Variants in VWA3B observed in about 807,000 individuals in gnomAD.
VWA3B encodes von Willebrand factor A domain containing 3B.
A neutral mutation model predicts 158.3 loss-of-function variants in VWA3B; 138 were observed. That is an observed-to-expected ratio of 0.87 (90% confidence interval 0.76 to 1.00). The LOEUF (loss-of-function observed/expected upper bound fraction) is 1.00, where lower values mean the gene tolerates loss of function less well. Ranked by LOEUF, VWA3B falls within the 50% of genes least tolerant of loss-of-function variation. The pLI is 0.00. For missense variants in VWA3B, 1,555 were observed against 1,565.1 expected (o/e 0.99, Z 0.11); for synonymous variants, 596 against 587.3 (o/e 1.01, Z -0.21).
intron 13 of VWA3B, among the ~76,000 whole-genome samples, chr2:98,216,083 G>T (rs547174283): frequency 2.0e-5 from 3 of 152,320 alleles, no homozygotes; most frequent in Non-Finnish European, 4.4e-5. Flanking sequence ...CTTTGTGGAA[G>T]AATAGACACA....
chr2:98,160,422 C>T (rs552919177), intron 7 of VWA3B, among the ~76,000 whole-genome samples: 11 of 152,246 alleles, frequency 7.2e-5, no homozygotes, highest in East Asian at 5.8e-4. Context: ...TGCTTCATCA[C>T]GATCACTAGA....
chr2:98,101,478 T>C (rs1196908607), intron 2 of VWA3B, among the ~76,000 whole-genome samples: 2 of 152,222 alleles, frequency 1.3e-5, no homozygotes, highest in Admixed American at 1.3e-4. Context: ...TACTAGGACT[T>C]TACTCAGTAA....
intron 22 of VWA3B, 41 bp downstream of exon 22, chr2:98,270,924 C>A: frequency 6.3e-7 from 1 of 1,593,240 alleles, no homozygotes; most frequent in Non-Finnish European, 8.6e-7. Context: ...CCCTCTCTGC[C>A]TATCCCAAGT....
chr2:98,200,794 A>G (rs766445433), intron 12 of VWA3B, among the ~76,000 whole-genome samples: 18 of 152,192 alleles, frequency 1.2e-4, no homozygotes, highest in Non-Finnish European at 2.2e-4. Context: ...CCTCAAATGT[A>G]ATGGTTTTAC....
In VWA3B at chr2:98,182,280, A is replaced by T. The variant is rs576757407; in HGVS notation, c.1311+1068A>T. Among the ~76,000 whole-genome samples, 92 of 152,076 alleles carry T rather than the reference A, an allele frequency of 6.0e-4. 1 individual carries two copies. Among genetic ancestry groups the T allele is most frequent in the African/African-American group, 2.1e-3 (89 of 41,480 alleles). ...ATGTTGTAACTCCAGCAGAGGGGGAACTCCAGTCCTGTTGCCACTTGTTAT... is the reference window on the plus strand; with the variant it reads ...ATGTTGTAACTCCAGCAGAGGGGGATCTCCAGTCCTGTTGCCACTTGTTAT... On this transcript the variant is annotated intron_variant, in intron 9 of 27. Transcript: ENST00000477737.
intron 7 of VWA3B, among the ~76,000 whole-genome samples, chr2:98,134,382 G>A (rs1024708595): frequency 6.6e-5 from 10 of 152,168 alleles, no homozygotes; most frequent in African/African-American, 4.8e-5. Flanking sequence ...GGCGGAGGCC[G>A]CACAGGAACC....
intron 21 of VWA3B, among the ~76,000 whole-genome samples, chr2:98,262,336 G>T (rs1224054115): frequency 6.6e-6 from 1 of 151,790 alleles, no homozygotes; most frequent in Non-Finnish European, 1.5e-5. Context: ...CACTTTTGGT[G>T]TCATATCCAA....
At chr2:98,184,263 TGA>T (rs1411704107) in intron 9 of VWA3B, among the ~76,000 whole-genome samples, 1 of 152,232 alleles carries the variant, frequency 6.6e-6, no homozygotes, top group African/African-American at 2.4e-5. Flanking sequence ...GTGGTGAACA[TGA>T]GAGACAAGAC....
chr2:98,267,502 A>C (rs1390346470), intron 21 of VWA3B, among the ~76,000 whole-genome samples: 2 of 152,158 alleles, frequency 1.3e-5, no homozygotes, highest in Non-Finnish European at 2.9e-5. Flanking sequence ...GAGAACAAAG[A>C]CACAACATAC....
In VWA3B at chr2:98,218,147, A is replaced by C. The variant is rs563355927; in HGVS notation, c.2019+119A>C. 2.5e-4 allele frequency: 283 copies of C among 1,140,730 alleles called. 5 individuals carry two copies. In the South Asian group the frequency reaches 4.6e-3, roughly 18 times the overall value. The allele number at this position is 1,140,730 out of a possible 1,614,324, so 70.7% of individuals were successfully genotyped here. A position where few individuals can be genotyped will look rare whatever the true frequency, so the allele number is the denominator to read the frequency against. On this transcript the variant is annotated intron_variant, in intron 14 of 27. Transcript: ENST00000477737. ...ACCATAGAGATAACTAAGTCAAAAA[A>C]ATGAGTCGCTTAACAATGAGTGTAC...
intron 23 of VWA3B, among the ~76,000 whole-genome samples, chr2:98,293,150 G>T (rs528529803): frequency 1.3e-4 from 20 of 152,178 alleles, no homozygotes; most frequent in South Asian, 4.2e-4. Context: ...GAGGAGATGG[G>T]GCTAATACCA....
At chr2:98,208,140 T>C (rs1683171694) in intron 12 of VWA3B, among the ~76,000 whole-genome samples, 1 of 152,108 alleles carries the variant, frequency 6.6e-6, no homozygotes, top group Non-Finnish European at 1.5e-5. Flanking sequence ...AAATTTTCTT[T>C]GTGTTAAAGT....
chr2:98,214,098 G>C (rs1011473132), intron 13 of VWA3B, among the ~76,000 whole-genome samples: 1 of 152,010 alleles, frequency 6.6e-6, no homozygotes, highest in Non-Finnish European at 1.5e-5. Flanking sequence ...GGCTGAAGTA[G>C]GGGGATCATT....
chr2:98,299,739 ACT>A (rs1165486117), intron 24 of VWA3B, among the ~76,000 whole-genome samples: 1 of 152,156 alleles, frequency 6.6e-6, no homozygotes, highest in Non-Finnish European at 1.5e-5. Flanking sequence ...AGATGAGGAC[ACT>A]GTTTATCTTT....
At chr2:98,133,431 A>G (rs968456899) in intron 6 of VWA3B, among the ~76,000 whole-genome samples, 2 of 152,204 alleles carry the variant, frequency 1.3e-5, no homozygotes, top group African/African-American at 4.8e-5. Context: ...CTGAACCTAC[A>G]GAGCTGATGG....
At chr2:98,321,378 T>C in the VWA3B span, among the ~76,000 whole-genome samples, 4 of 152,138 alleles carry the variant, frequency 2.6e-5, no homozygotes, top group African/African-American at 9.7e-5. Flanking sequence ...GCCACTGTTC[T>C]CCAGATCCCA....
intron 12 of VWA3B, chr2:98,207,436 T>C (rs759474933): frequency 7.4e-5 from 35 of 475,572 alleles, no homozygotes; most frequent in Non-Finnish European, 1.1e-4. Context: ...TGGCTACAAA[T>C]CCCTCCATAC....
chr2:98,196,347 A>G (rs1242236292), intron 12 of VWA3B, among the ~76,000 whole-genome samples: 3 of 152,228 alleles, frequency 2.0e-5, no homozygotes, highest in East Asian at 3.8e-4. Flanking sequence ...CAACATATAC[A>G]TATATCAAAA....
At position 98,230,070 on chromosome 2, in the gene VWA3B, C is replaced by T; in HGVS notation, c.2171C>T (p.Ser724Phe). 6.3e-7 allele frequency: 1 copy of T among 1,584,584 alleles called. No homozygotes were observed. Residue 724 changes from serine to phenylalanine, a missense_variant, in exon 16 of 28, where the codon TCT becomes TTT. By Grantham distance (155) the Ser-to-Phe change is radical. Coordinates refer to ENST00000477737, the MANE Select transcript of VWA3B (RefSeq NM_144992.5). ...AACAGGCATCAAAAGGAAATCTGTT[C>T]TATGATTTCAACCCCAGAAAAGTGT... ...GDSKHQKEIC[S>F]MISTPEKCAK... is the part of the protein sequence containing the mutation.
Sources: gnomAD v4.1 joint callset for allele counts (sites outside exome capture counted in the v4.1 genomes callset) on GRCh38, gnomAD v4.1.1 for gene constraint, MANE v1.5 for transcripts, NCBI Gene and HGNC (gene_info 2026-07-23, HGNC 2026-07-21) for gene names.